TET2: variants seen among roughly 807,000 people sequenced by gnomAD.
TET2 encodes methylcytosine dioxygenase TET2.
Under a neutral mutation model 142.9 loss-of-function variants are expected in TET2, and 299 were observed. The ratio of observed to expected loss-of-function variants is 2.09; its 90% CI spans 1.90 to 2.30. The LOEUF (loss-of-function observed/expected upper bound fraction) is 2.30, where lower values mean the gene tolerates loss of function less well. Ranked by LOEUF, TET2 falls within the 30% of genes most tolerant of loss-of-function variation. TET2 has a pLI of 0.00. For synonymous variants in TET2, 819 were observed against 849.0 expected, an observed-to-expected ratio of 0.96 and a Z score of 0.61; for missense variants, 2,418 against 2,378.0, an observed-to-expected ratio of 1.02 and a Z score of -0.35.
At chr4:105,202,002 C>G (rs893435131) in intron 2 of TET2, among the ~76,000 whole-genome samples, 1 of 152,036 alleles carries the variant, frequency 6.6e-6, no homozygotes, top group Non-Finnish European at 1.5e-5. Flanking sequence ...CTCGGCTTCC[C>G]AAAGTGCTGG....
At position 105,272,764 on chromosome 4, in the gene TET2, C is replaced by T; in HGVS notation, c.4383C>T (p.Val1461=). Reference sequence around the variant, plus strand: ...AAGTCAGGATGTTAGCAGAGCCAGTCAAGACTTGCCGACAAAGGAAACTAG... The same window carrying T: ...AAGTCAGGATGTTAGCAGAGCCAGTTAAGACTTGCCGACAAAGGAAACTAG... ...RRKVRMLAEP[V]KTCRQRKLEA... is the part of the protein sequence containing the mutation. Residue 1461 remains valine, a synonymous_variant, in exon 10 of 11, where the codon GTC becomes GTT. Coordinates refer to ENST00000380013, the MANE Select transcript of TET2 (RefSeq NM_001127208.3). 4 of 1,551,612 alleles carry T rather than the reference C, an allele frequency of 2.6e-6. No homozygotes were observed. Among genetic ancestry groups the T allele is most frequent in the Non-Finnish European group, 2.6e-6 (3 of 1,146,974 alleles).
chr4:105,199,669 T>C (rs1396850685), intron 2 of TET2, among the ~76,000 whole-genome samples: 1 of 152,184 alleles, frequency 6.6e-6, no homozygotes, highest in African/African-American at 2.4e-5. Flanking sequence ...CATTAGTTAT[T>C]TTTCCTGATC....
intron 2 of TET2, among the ~76,000 whole-genome samples, chr4:105,199,051 A>G (rs905811574): frequency 3.9e-5 from 6 of 152,178 alleles, no homozygotes; most frequent in Admixed American, 2.0e-4. Context: ...TCTAATTCCA[A>G]TAGTATTGAT....
chr4:105,166,531 C>T (rs141041238), intron 1 of TET2, among the ~76,000 whole-genome samples: 9,161 of 150,614 alleles, frequency 0.061, 359 homozygotes, highest in Non-Finnish European at 0.087. Flanking sequence ...TTTCTCCTGG[C>T]TATGTCTATT....
chr4:105,165,767 C>T (rs1366375992), intron 1 of TET2, among the ~76,000 whole-genome samples: 1 of 152,156 alleles, frequency 6.6e-6, no homozygotes, highest in Non-Finnish European at 1.5e-5. Flanking sequence ...TGATTGGTTG[C>T]TTAGTTTCCA....
chr4:105,256,967 A>G (rs1227575508), intron 6 of TET2, among the ~76,000 whole-genome samples: 3 of 152,094 alleles, frequency 2.0e-5, no homozygotes, highest in African/African-American at 7.2e-5. Context: ...CTGTAGTCTT[A>G]CTTTAGTTAT....
chr4:105,275,156 C>T lies in TET2; in HGVS notation c.4646C>T (p.Pro1549Leu). 1 of 1,552,188 alleles carries T rather than the reference C, an allele frequency of 6.4e-7. No homozygotes were observed. Among genetic ancestry groups the T allele is most frequent in the Non-Finnish European group, 8.7e-7 (1 of 1,147,078 alleles). ...CAGCAGAGACCCCAGCAGCAGCAGC[C>T]ACATCACCCTCAGACAGAGTCTGTC... ...QQQQRPQQQQ[P>L]HHPQTESVNS... Residue 1549 changes from proline to leucine, a missense_variant, in exon 11 of 11, where the codon CCA becomes CTA. Transcript: ENST00000380013.
intron 2 of TET2, among the ~76,000 whole-genome samples, chr4:105,206,587 A>G (rs1447962693): frequency 6.6e-6 from 1 of 152,182 alleles, no homozygotes; most frequent in East Asian, 1.9e-4. Flanking sequence ...CTGACTTTAA[A>G]AGAGGGACTG....
intron 1 of TET2, among the ~76,000 whole-genome samples, chr4:105,148,722 CAAT>C (rs1560705627): frequency 6.6e-6 from 1 of 151,972 alleles, no homozygotes; most frequent in African/African-American, 2.4e-5. Context: ...AATTTAAACA[CAAT>C]AAATATTGAT....
intron 1 of TET2, among the ~76,000 whole-genome samples, chr4:105,163,844 A>AGTGT (rs1723995999): frequency 8.4e-6 from 1 of 118,520 alleles, no homozygotes; most frequent in Non-Finnish European, 1.8e-5. Context: ...AGAGAGAGAG[A>AGTGT]GAGAGAGAGA....
intron 1 of TET2, among the ~76,000 whole-genome samples, chr4:105,188,359 T>C (rs1186788574): frequency 1.3e-5 from 2 of 152,128 alleles, no homozygotes; most frequent in Non-Finnish European, 2.9e-5. Context: ...TGCCAGGGGC[T>C]GGGAGGAGGA....
chr4:105,243,849 AAG>A (rs1729446598), intron 6 of TET2, 71 bp downstream of exon 6: 12 of 1,389,556 alleles, frequency 8.6e-6, no homozygotes, highest in Non-Finnish European at 1.2e-5. Context: ...GGTTGAAAGG[AAG>A]AGAGTTCAGC....
rs1404382805 is a variant in TET2 at position 105,274,912 on chromosome 4, T to G, written c.4538-136T>G. ...ACAATGATCAGAACCCTGACTTTGC[T>G]CTTATCTTTGCTTAATGGGTGTCGT... On this transcript the variant is annotated intron_variant, in intron 10 of 10. Transcript: ENST00000380013. The G allele has an allele frequency of 6.8e-6, 8 of 1,182,050 alleles. No individual in the cohort carries two copies. The East Asian group carries it at 1.9e-4, about 27-fold the overall frequency. 73.2% of individuals were successfully genotyped at this position (1,182,050 alleles called of 1,614,324 possible).
At chr4:105,162,195 G>T (rs990143624) in intron 1 of TET2, among the ~76,000 whole-genome samples, 2 of 152,156 alleles carry the variant, frequency 1.3e-5, no homozygotes, top group African/African-American at 4.8e-5. Context: ...TAACATTCGT[G>T]CAAGGGAGTT....
intron 1 of TET2, chr4:105,147,614 CTGAG>C (rs1723090053): frequency 6.6e-6 from 1 of 152,104 alleles, no homozygotes; most frequent in Non-Finnish European, 1.5e-5. Context: ...GTTAGCGGCG[CTGAG>C]TGAAAGAGGA....
At chr4:105,181,942 A>G (rs941453882) in intron 1 of TET2, among the ~76,000 whole-genome samples, 1 of 152,200 alleles carries the variant, frequency 6.6e-6, no homozygotes, top group Admixed American at 6.5e-5. Flanking sequence ...ATTACTTGAA[A>G]GTTCAACCTC....
At chr4:105,240,987 GTT>G in intron 3 of TET2, 1 of 1,029,400 alleles carries the variant, frequency 9.7e-7, no homozygotes, top group Non-Finnish European at 1.2e-6. Flanking sequence ...AGCTTTAAAT[GTT>G]TTTTTTTTCC....
chr4:105,233,397 A>AAAAAAAAAG (rs1728624997), intron 2 of TET2, among the ~76,000 whole-genome samples: 3 of 150,578 alleles, frequency 2.0e-5, no homozygotes, highest in Non-Finnish European at 4.4e-5. Context: ...AAAAAAAAAA[A>AAAAAAAAAG]AAAAGCTACT....
rs1553918709 is a variant in TET2 at position 105,276,838 on chromosome 4, T to TTCCCC, written c.*319_*320insTCCCC. ...TGGACGAGATGATATGTAAATGTGA[T>TTCCCC]CCCCCCCCCCCGCTTACAACTCTAC... On this transcript the variant is annotated 3_prime_UTR_variant, in exon 11 of 11. Transcript: ENST00000380013. 2 of 144,462 alleles carry TTCCCC rather than the reference T, an allele frequency of 1.4e-5. No homozygotes were observed. The highest frequency in any genetic ancestry group is 2.7e-5 in the Non-Finnish European group (2 of 74,626). 8.9% of individuals were successfully genotyped at this position (144,462 alleles called of 1,614,324 possible). A position where few individuals can be genotyped will look rare whatever the true frequency, so the allele number is the denominator to read the frequency against.
Sources: allele counts gnomAD v4.1 joint callset (sites outside exome capture counted in the v4.1 genomes callset), GRCh38; gene constraint gnomAD v4.1.1; transcripts MANE v1.5; gene names NCBI Gene and HGNC (gene_info 2026-07-23, HGNC 2026-07-21).